Variants in ZKSCAN3 observed in about 807,000 individuals in gnomAD.
ZKSCAN3 encodes the protein zinc finger with KRAB and SCAN domains 3.
A neutral mutation model predicts 30.7 loss-of-function variants in ZKSCAN3; 21 were observed. That is an observed-to-expected ratio of 0.68 (90% CI 0.49 to 0.99). The LOEUF (loss-of-function observed/expected upper bound fraction) is 0.99. Among genes scored for constraint, ZKSCAN3 ranks in the 50% least tolerant of loss-of-function variants. The pLI, the probability that ZKSCAN3 is intolerant of heterozygous loss-of-function variation, is 0.00. For synonymous variants in ZKSCAN3, 201 were observed against 246.7 expected (o/e 0.81, Z 1.73); for missense variants, 507 against 647.1 (o/e 0.78, Z 2.35).
At position 28,365,869 on chromosome 6, in the gene ZKSCAN3, G is replaced by A. The variant is rs765161018; in HGVS notation, c.1201G>A (p.Asp401Asn). The A allele has an allele frequency of 6.2e-7, 1 of 1,613,560 alleles. No homozygotes were observed. Among genetic ancestry groups the A allele is most frequent in the South Asian group, 1.1e-5 (1 of 90,986 alleles). The change falls in exon 6 of 6, where the codon GAT (aspartate) becomes AAT (asparagine). Residue 401 changes from aspartate to asparagine, a missense_variant. Transcript: ENST00000252211. ...CACTGGGGAGAAGCCCTATGAGTGT[G>A]ATGACTGTGGGAAGACCTTCAGCCA... ...THTGEKPYEC[D>N]DCGKTFSQSC... is the part of the protein sequence containing the mutation.
At chr6:28,360,554 G>A (rs1765710177) in intron 2 of ZKSCAN3, 4 of 985,328 alleles carry the variant, frequency 4.1e-6, no homozygotes, top group African/African-American at 1.7e-5. Context: ...ATGAACCTCT[G>A]GTAGAAAATG....
At position 28,363,682 on chromosome 6, in the gene ZKSCAN3, A is replaced by C; in HGVS notation, c.634-10A>C. ...AGCCCCTTCTTCAATGGGATTACCT[A>C]TTGTTTTAGGGGTTGTTGAAAGTGG... On this transcript the variant is annotated splice_polypyrimidine_tract_variant and intron_variant, in intron 4 of 5. Transcript: ENST00000252211. The C allele has an allele frequency of 6.2e-7, 1 of 1,613,808 alleles. No individual in the cohort carries two copies. The highest frequency in any genetic ancestry group is 8.5e-7 in the Non-Finnish European group (1 of 1,179,846).
At chr6:28,357,285 A>G (rs1357414742) in intron 1 of ZKSCAN3, among the ~76,000 whole-genome samples, 10 of 152,118 alleles carry the variant, frequency 6.6e-5, no homozygotes. Flanking sequence ...AGTTTTATAC[A>G]CTCACTTACT....
rs1345092879 is a variant in ZKSCAN3, at chr6:28,368,622, G to A, written c.*2337G>A. On this transcript the variant is annotated 3_prime_UTR_variant, in exon 6 of 6. Coordinates refer to ENST00000252211, the MANE Select transcript of ZKSCAN3 (RefSeq NM_024493.4). ...AATGACTATTCTGCTGCAAACTTTT[G>A]TGTAAGCGCTTCACCTTATTCCTAC... 6.5e-6 allele frequency: 1 copy of A among 154,630 alleles called. No homozygotes were observed. Among genetic ancestry groups the A allele is most frequent in the African/African-American group, 2.4e-5 (1 of 41,464 alleles). 9.6% of individuals were successfully genotyped at this position (154,630 alleles called of 1,614,324 possible).
At chr6:28,363,532 A>T in intron 4 of ZKSCAN3, 147 bp downstream of exon 4, 1 of 1,289,706 alleles carries the variant, frequency 7.8e-7, no homozygotes, top group Non-Finnish European at 1.1e-6. Context: ...ATCTATCTCG[A>T]GGTTGTTTAT....
In ZKSCAN3 at chr6:28,363,688, T is replaced by A. The variant is rs1403614354; in HGVS notation, c.634-4T>A. 6.2e-7 allele frequency: 1 copy of A among 1,614,064 alleles called. No individual in the cohort carries two copies. Among genetic ancestry groups the A allele is most frequent in the Non-Finnish European group, 8.5e-7 (1 of 1,179,954 alleles). ...TTCTTCAATGGGATTACCTATTGTTTTAGGGGTTGTTGAAAGTGGAAGATG... is the reference window on the plus strand; with the variant it reads ...TTCTTCAATGGGATTACCTATTGTTATAGGGGTTGTTGAAAGTGGAAGATG... On this transcript the variant is annotated splice_region_variant and splice_polypyrimidine_tract_variant and intron_variant, in intron 4 of 5. Coordinates refer to ENST00000252211, the MANE Select transcript of ZKSCAN3 (RefSeq NM_024493.4).
At chr6:28,353,790 C>G (rs1278471944) in intron 1 of ZKSCAN3, 12 of 455,852 alleles carry the variant, frequency 2.6e-5, no homozygotes, top group Non-Finnish European at 4.0e-5. Flanking sequence ...ACAGAACCAC[C>G]AGGCCTACTC....
intron 1 of ZKSCAN3, among the ~76,000 whole-genome samples, chr6:28,356,850 A>G (rs1765461328): frequency 6.6e-6 from 1 of 152,234 alleles, no homozygotes. Context: ...TGGGTGCCAC[A>G]GCTCATGCTG....
In ZKSCAN3 at chr6:28,368,977, C is replaced by G. The variant is rs1766081046; in HGVS notation, c.*2692C>G. On this transcript the variant is annotated 3_prime_UTR_variant, in exon 6 of 6. Coordinates refer to ENST00000252211, the MANE Select transcript of ZKSCAN3 (RefSeq NM_024493.4). ...TGACTTGGGCATTGTGATATATTATCTCCTGCTGTATGTATTTTGTTTAGT... is the reference window on the plus strand; with the variant it reads ...TGACTTGGGCATTGTGATATATTATGTCCTGCTGTATGTATTTTGTTTAGT... The G allele has an allele frequency of 1.3e-5, 2 of 152,546 alleles. No homozygotes were observed. The highest frequency in any genetic ancestry group is 2.9e-5 in the Non-Finnish European group (2 of 68,198). 9.4% of individuals were successfully genotyped at this position (152,546 alleles called of 1,614,324 possible). A position where few individuals can be genotyped will look rare whatever the true frequency, so the allele number is the denominator to read the frequency against.
At chr6:28,363,470 A>T in intron 4 of ZKSCAN3, 85 bp downstream of exon 4, 1 of 1,378,670 alleles carries the variant, frequency 7.3e-7, no homozygotes, top group Non-Finnish European at 1.0e-6. Flanking sequence ...ATTCCCCTCC[A>T]CCCCAATCCT....
At chr6:28,358,853 C>CA (rs1250823405) in intron 1 of ZKSCAN3, among the ~76,000 whole-genome samples, 1 of 148,598 alleles carries the variant, frequency 6.7e-6, no homozygotes, top group South Asian at 2.1e-4. Flanking sequence ...CACTGCACTC[C>CA]AGTCTGGGTG....
rs1445235676 is a variant in ZKSCAN3, at chr6:28,361,275, T to A, written c.403-49T>A. 3.8e-6 allele frequency: 6 copies of A among 1,598,422 alleles called. No homozygotes were observed. The Admixed American group carries it at 7.0e-5, about 19-fold the overall frequency. On this transcript the variant is annotated intron_variant, in intron 2 of 5. Coordinates refer to ENST00000252211, the MANE Select transcript of ZKSCAN3 (RefSeq NM_024493.4). Reference sequence around the variant, plus strand: ...ATAGTGCCAGCCACCTAGGTAGTTCTATGGAAGTGTTTGATGAAAACATGA... The same window carrying A: ...ATAGTGCCAGCCACCTAGGTAGTTCAATGGAAGTGTTTGATGAAAACATGA...
intron 1 of ZKSCAN3, among the ~76,000 whole-genome samples, chr6:28,358,345 C>T (rs772094132): frequency 6.6e-6 from 1 of 152,188 alleles, no homozygotes; most frequent in African/African-American, 2.4e-5. Flanking sequence ...GCACCAGGCT[C>T]AACTTCTCTT....
Position 28,360,091 on chromosome 6 carries a change from T to A in ZKSCAN3, c.402+103T>A, listed in dbSNP as rs767600612. ...CTTTAACATCCAGGAGTTCTTCATC[T>A]CTTTTTTGTACCGTGAACCTCCTTG... is the stretch of plus-strand genomic sequence containing the variant. On this transcript the variant is annotated intron_variant, in intron 2 of 5. Coordinates refer to ENST00000252211, the MANE Select transcript of ZKSCAN3 (RefSeq NM_024493.4). 7.5e-6 allele frequency: 12 copies of A among 1,590,674 alleles called. No individual in the cohort carries two copies. In the African/African-American group the frequency reaches 9.4e-5, roughly 12 times the overall value.
Position 28,363,802 on chromosome 6 carries a change from C to T in ZKSCAN3, c.744C>T (p.Ser248=). The T allele has an allele frequency of 5.6e-6, 9 of 1,613,728 alleles. No individual in the cohort carries two copies. The highest frequency in any genetic ancestry group is 7.6e-6 in the Non-Finnish European group (9 of 1,179,790). ...ATGAAAAGCAGGAGAACCATGGCAG[C>T]CTGGTCTCCCTGGGTAAGACTAAAG... ...CRDEKQENHG[S]LVSLGDEKQT... Residue 248 remains serine, a synonymous_variant, in exon 5 of 6, where the codon AGC becomes AGT. Transcript: ENST00000252211.
rs138764055 is a variant in ZKSCAN3, at chr6:28,361,921, C to T, written c.550+450C>T. On this transcript the variant is annotated intron_variant, in intron 3 of 5. Coordinates refer to ENST00000252211, the MANE Select transcript of ZKSCAN3 (RefSeq NM_024493.4). The stretch of plus-strand genomic sequence containing the variant: ...CAAGCGATCCTCTCAACTCAGCCTC[C>T]TGAGTAGCTGGGACTACAGGTGTGC... Among the ~76,000 whole-genome samples, 816 of 152,218 alleles carry T rather than the reference C, an allele frequency of 5.4e-3. 3 individuals carry two copies. Among genetic ancestry groups the T allele is most frequent in the Admixed American group, 8.4e-3 (129 of 15,292 alleles).
Position 28,359,549 on chromosome 6 carries a change from G to A in ZKSCAN3, c.-38G>A. 5 of 1,584,764 alleles carry A rather than the reference G, an allele frequency of 3.2e-6. No homozygotes were observed. The highest frequency in any genetic ancestry group is 4.3e-6 in the Non-Finnish European group (5 of 1,164,452). On this transcript the variant is annotated 5_prime_UTR_variant, in exon 2 of 6. Transcript: ENST00000252211. Reference sequence around the variant, plus strand: ...GGGATCTTCTGCAGAAATAGCGCTGGAAGCTAGAGTGAGGCCTGAGTACTG... The same window carrying A: ...GGGATCTTCTGCAGAAATAGCGCTGAAAGCTAGAGTGAGGCCTGAGTACTG...
At position 28,359,854 on chromosome 6, in the gene ZKSCAN3, G is replaced by A; in HGVS notation, c.268G>A (p.Val90Met). Residue 90 changes from valine (V) to methionine (M), a missense_variant, in exon 2 of 6, where the codon GTG becomes ATG. Coordinates refer to ENST00000252211, the MANE Select transcript of ZKSCAN3 (RefSeq NM_024493.4). ...HSKEQILELL[V>M]LEQFLTILPG... ...CAAGGAGCAGATCCTGGAGCTGCTGGTGCTGGAGCAGTTCCTGACCATCCT... is the reference window on the plus strand; with the variant it reads ...CAAGGAGCAGATCCTGGAGCTGCTGATGCTGGAGCAGTTCCTGACCATCCT... 2 of 1,608,932 alleles carry A rather than the reference G, an allele frequency of 1.2e-6. No individual in the cohort carries two copies. The highest frequency in any genetic ancestry group is 1.7e-6 in the Non-Finnish European group (2 of 1,176,138).
chr6:28,360,213 A>C (rs2113919480), intron 2 of ZKSCAN3: 1 of 753,346 alleles, frequency 1.3e-6, no homozygotes, highest in Non-Finnish European at 2.1e-6. Flanking sequence ...TCATATCAAC[A>C]TACAGTTTGC....
Sources: allele counts gnomAD v4.1 joint callset (sites outside exome capture counted in the v4.1 genomes callset), GRCh38; gene constraint gnomAD v4.1.1; transcripts MANE v1.5; gene names NCBI Gene and HGNC (gene_info 2026-07-23, HGNC 2026-07-21).